GRHL2: variants seen among roughly 807,000 people sequenced by gnomAD.
The protein encoded by GRHL2 is grainyhead-like protein 2 homolog.
GRHL2 carries 21 observed loss-of-function variants against 83.8 expected under a neutral mutation model. The ratio of observed to expected loss-of-function variants is 0.25; its 90% CI spans 0.18 to 0.36. The LOEUF is 0.36. Ranked by LOEUF, GRHL2 falls within the 10% of genes least tolerant of loss-of-function variation. GRHL2 has a pLI of 1.00. For missense variants in GRHL2, 623 were observed against 781.8 expected (o/e 0.80, Z 2.42); for synonymous variants, 280 against 278.9 (o/e 1.00, Z -0.04).
chr8:101,604,977 C>T (rs73283008), intron 8 of GRHL2, among the ~76,000 whole-genome samples: 4,794 of 152,282 alleles, frequency 0.031, 204 homozygotes, highest in African/African-American at 0.094. Context: ...TCCTCCTTCC[C>T]GCTGTGTGTT....
At chr8:101,566,583 T>C (rs1167378848) in intron 4 of GRHL2, among the ~76,000 whole-genome samples, 1 of 147,926 alleles carries the variant, frequency 6.8e-6, no homozygotes, top group Non-Finnish European at 1.5e-5. Context: ...AATATAAATA[T>C]AATAATATTA....
chr8:101,505,594 A>ATTTTTTTTTTTTTTTTTTTTTG, intron 1 of GRHL2, among the ~76,000 whole-genome samples: 1 of 151,674 alleles, frequency 6.6e-6, no homozygotes, highest in African/African-American at 2.4e-5. Flanking sequence ...AAAAAAAAAA[A>ATTTTTTTTTTTTTTTTTTTTTG]AAACAGTGTA....
At chr8:101,506,874 A>G (rs529665884) in intron 1 of GRHL2, among the ~76,000 whole-genome samples, 42 of 150,894 alleles carry the variant, frequency 2.8e-4, no homozygotes, top group African/African-American at 1.0e-3. Flanking sequence ...TAAAGAGATT[A>G]AACATTTTCT....
chr8:101,629,827 A>G (rs1813151167), intron 9 of GRHL2, among the ~76,000 whole-genome samples: 1 of 152,040 alleles, frequency 6.6e-6, no homozygotes, highest in Non-Finnish European at 1.5e-5. Flanking sequence ...TTAACACTTC[A>G]TTTTTTGAAA....
intron 1 of GRHL2, among the ~76,000 whole-genome samples, chr8:101,541,670 T>G (rs1188815283): frequency 6.6e-6 from 1 of 152,108 alleles, no homozygotes; most frequent in Non-Finnish European, 1.5e-5. Flanking sequence ...GTTGGTTCCA[T>G]TTCAATGAAC....
intron 14 of GRHL2, among the ~76,000 whole-genome samples, chr8:101,650,547 A>C (rs1813600728): frequency 6.6e-6 from 1 of 152,166 alleles, no homozygotes; most frequent in South Asian, 2.1e-4. Context: ...GGAATTGCTC[A>C]GCCAGATTCA....
At chr8:101,582,008 C>T (rs960889159) in intron 7 of GRHL2, among the ~76,000 whole-genome samples, 1 of 152,206 alleles carries the variant, frequency 6.6e-6, no homozygotes, top group African/African-American at 2.4e-5. Flanking sequence ...GAGGCCGTGG[C>T]AGGCAGATCA....
chr8:101,532,478 G>A (rs545205975), intron 1 of GRHL2, among the ~76,000 whole-genome samples: 21 of 152,178 alleles, frequency 1.4e-4, no homozygotes, highest in African/African-American at 3.6e-4. Flanking sequence ...TCAGCTGGCC[G>A]CGGTGGCTCA....
At chr8:101,520,636 T>C (rs1039111687) in intron 1 of GRHL2, among the ~76,000 whole-genome samples, 3 of 152,116 alleles carry the variant, frequency 2.0e-5, no homozygotes, top group Non-Finnish European at 4.4e-5. Flanking sequence ...GATCAAGATG[T>C]TCCCTTCCTA....
chr8:101,581,433 TAAC>T (rs1462038996), intron 7 of GRHL2, among the ~76,000 whole-genome samples: 3 of 152,184 alleles, frequency 2.0e-5, no homozygotes, highest in African/African-American at 4.8e-5. Context: ...GCTCCTTGAA[TAAC>T]AACAATTATT....
At chr8:101,501,871 G>T (rs1005464115) in intron 1 of GRHL2, among the ~76,000 whole-genome samples, 6 of 151,406 alleles carry the variant, frequency 4.0e-5, no homozygotes, top group Admixed American at 3.9e-4. Context: ...TGATTAGTTT[G>T]AAAAAACATG....
intron 12 of GRHL2, among the ~76,000 whole-genome samples, chr8:101,637,265 C>T (rs1813307236): frequency 6.6e-6 from 1 of 152,136 alleles, no homozygotes; most frequent in African/African-American, 2.4e-5. Context: ...GTCCTTCTTA[C>T]CTATTGTTTG....
chr8:101,507,802 G>C (rs565974938), intron 1 of GRHL2, among the ~76,000 whole-genome samples: 2 of 114,348 alleles, frequency 1.7e-5, no homozygotes, highest in Admixed American at 1.1e-4. Context: ...TTTTAGACAA[G>C]AGTCTTACTC....
At chr8:101,626,258 TAATTAATCAATC>T (rs1425003951) in intron 9 of GRHL2, among the ~76,000 whole-genome samples, 4 of 152,094 alleles carry the variant, frequency 2.6e-5, no homozygotes, top group Non-Finnish European at 5.9e-5. Flanking sequence ...GCTTGATTTC[TAATTAATCAATC>T]AATTAATCAA....
intron 1 of GRHL2, among the ~76,000 whole-genome samples, chr8:101,533,470 G>T (rs1292147706): frequency 6.6e-6 from 1 of 152,186 alleles, no homozygotes; most frequent in Admixed American, 6.5e-5. Context: ...TGTTCAAGGT[G>T]CTTGTGATAT....
chr8:101,665,192 CTG>C (rs1814021886), intron 15 of GRHL2, among the ~76,000 whole-genome samples: 1 of 152,188 alleles, frequency 6.6e-6, no homozygotes, highest in East Asian at 1.9e-4. Flanking sequence ...TTGAACCCAT[CTG>C]TGTCCTCAAA....
At chr8:101,566,651 A>AT (rs1209147294) in intron 4 of GRHL2, among the ~76,000 whole-genome samples, 7 of 149,618 alleles carry the variant, frequency 4.7e-5, no homozygotes, top group African/African-American at 9.8e-5. Context: ...TGCCCGATTG[A>AT]TTTTTTTTAC....
chr8:101,659,959 G>A (rs147966927), intron 14 of GRHL2, among the ~76,000 whole-genome samples: 35 of 152,246 alleles, frequency 2.3e-4, no homozygotes, highest in African/African-American at 7.7e-4. Context: ...CCAGGGTTAC[G>A]TAGAAGTATT....
At chr8:101,524,348 G>A (rs1325684190) in intron 1 of GRHL2, among the ~76,000 whole-genome samples, 1 of 151,888 alleles carries the variant, frequency 6.6e-6, no homozygotes, top group Non-Finnish European at 1.5e-5. Flanking sequence ...TCGTTAATTT[G>A]TTTTATCTTT....
Sources: gnomAD v4.1 joint callset for allele counts (sites outside exome capture counted in the v4.1 genomes callset) on GRCh38, gnomAD v4.1.1 for gene constraint, MANE v1.5 for transcripts, NCBI Gene and HGNC (gene_info 2026-07-23, HGNC 2026-07-21) for gene names.